Variants in RNF150 observed in about 807,000 individuals in gnomAD.
RNF150 encodes ring finger protein 150.
Under a neutral mutation model 39.3 loss-of-function variants are expected in RNF150, and 24 were observed. The ratio of observed to expected loss-of-function variants is 0.61; its 90% CI spans 0.44 to 0.86. RNF150 has a LOEUF of 0.86. Among genes scored for constraint, RNF150 ranks in the 40% least tolerant of loss-of-function variants. RNF150 has a pLI of 0.00. For missense variants in RNF150, 502 were observed against 587.8 expected, an observed-to-expected ratio of 0.85 and a Z score of 1.51; for synonymous variants, 255 against 227.3, an observed-to-expected ratio of 1.12 and a Z score of -1.10.
intron 1 of RNF150, among the ~76,000 whole-genome samples, chr4:141,028,181 T>C (rs568421382): frequency 1.3e-5 from 2 of 152,244 alleles, no homozygotes; most frequent in Admixed American, 1.3e-4. Flanking sequence ...AGACAACTGT[T>C]CCATTCAAAT....
At chr4:141,030,816 A>G (rs1735915770) in intron 1 of RNF150, among the ~76,000 whole-genome samples, 1 of 152,080 alleles carries the variant, frequency 6.6e-6, no homozygotes, top group Non-Finnish European at 1.5e-5. Flanking sequence ...GAGAGGAGCA[A>G]ATGGAGAATT....
intron 1 of RNF150, among the ~76,000 whole-genome samples, chr4:141,113,310 G>A (rs1010674463): frequency 1.3e-4 from 19 of 144,372 alleles, no homozygotes; most frequent in African/African-American, 4.3e-4. Context: ...AATAAAGGGA[G>A]GGAGGAATAT....
At chr4:141,200,830 C>G (rs886499461) in intron 1 of RNF150, among the ~76,000 whole-genome samples, 4 of 152,130 alleles carry the variant, frequency 2.6e-5, no homozygotes, top group Non-Finnish European at 1.5e-5. Flanking sequence ...GAAGAACCTT[C>G]GTTTTCAGTT....
At chr4:141,078,556 G>A (rs1309040411) in intron 1 of RNF150, among the ~76,000 whole-genome samples, 1 of 151,464 alleles carries the variant, frequency 6.6e-6, no homozygotes, top group Admixed American at 6.6e-5. Flanking sequence ...GGTCAAGGTG[G>A]GCAGATCACG....
intron 1 of RNF150, among the ~76,000 whole-genome samples, chr4:141,167,891 T>G (rs761213012): frequency 1.3e-5 from 2 of 152,168 alleles, no homozygotes; most frequent in Non-Finnish European, 2.9e-5. Flanking sequence ...GGGCAAAGAC[T>G]TCATGATTAA....
Position 141,074,367 on chromosome 4 carries a change from T to C in RNF150, c.484+57958A>G, listed in dbSNP as rs1035032998. Among the ~76,000 whole-genome samples, 4 of 147,728 alleles carry C rather than the reference T, an allele frequency of 2.7e-5. 1 individual carries two copies. In the Middle Eastern group the frequency reaches 0.01, roughly 377 times the overall value. The stretch of plus-strand genomic sequence containing the variant: ...TGACCACAGTCAGAATGGGAAAGAG[T>C]GATTCCAGAATTCTTCTTGACAGAA... On this transcript the variant is annotated intron_variant, in intron 1 of 6. Transcript: ENST00000515673.
chr4:141,022,381 T>C (rs1041783579), intron 1 of RNF150, among the ~76,000 whole-genome samples: 6 of 152,114 alleles, frequency 3.9e-5, no homozygotes, highest in East Asian at 3.8e-4. Flanking sequence ...GAGGAATGTA[T>C]AGAGTGACAA....
chr4:141,016,442 A>G (rs924967737), intron 1 of RNF150, among the ~76,000 whole-genome samples: 1 of 139,428 alleles, frequency 7.2e-6, no homozygotes, highest in African/African-American at 2.5e-5. Flanking sequence ...TGTCATTAAA[A>G]GCAGGTATAA....
intron 1 of RNF150, among the ~76,000 whole-genome samples, chr4:141,148,873 A>C (rs756692679): frequency 3.3e-5 from 5 of 152,170 alleles, no homozygotes; most frequent in African/African-American, 4.8e-5. Flanking sequence ...TTAGGCTCAG[A>C]AGCTGCAGAA....
intron 1 of RNF150, among the ~76,000 whole-genome samples, chr4:141,093,249 C>T (rs1448736905): frequency 6.6e-6 from 1 of 151,852 alleles, no homozygotes; most frequent in African/African-American, 2.4e-5. Context: ...GCCTGTAGTC[C>T]CAGCTGCTTG....
At chr4:140,873,330 C>G (rs935722781) in intron 6 of RNF150, among the ~76,000 whole-genome samples, 2 of 152,168 alleles carry the variant, frequency 1.3e-5, no homozygotes, top group African/African-American at 4.8e-5. Flanking sequence ...GTGGTTCACA[C>G]TGCTTGCCTG....
At chr4:140,897,840 T>C (rs1730019779) in intron 6 of RNF150, among the ~76,000 whole-genome samples, 3 of 152,172 alleles carry the variant, frequency 2.0e-5, no homozygotes, top group Non-Finnish European at 2.9e-5. Context: ...CTAAATTACC[T>C]CCATTTTACA....
chr4:141,115,991 T>A (rs1049988362), intron 1 of RNF150, among the ~76,000 whole-genome samples: 1 of 152,102 alleles, frequency 6.6e-6, no homozygotes, highest in Non-Finnish European at 1.5e-5. Context: ...AAAAATTAAC[T>A]CAAGATGGAT....
intron 5 of RNF150, among the ~76,000 whole-genome samples, chr4:140,911,974 T>C (rs928332306): frequency 1.2e-4 from 18 of 152,190 alleles, no homozygotes; most frequent in Non-Finnish European, 4.4e-5. Context: ...ATTAGTCAAA[T>C]CCTCTAAATT....
intron 1 of RNF150, among the ~76,000 whole-genome samples, chr4:141,167,651 C>A (rs1165996782): frequency 1.3e-5 from 2 of 152,096 alleles, no homozygotes; most frequent in Non-Finnish European, 2.9e-5. Flanking sequence ...CACTTACAAC[C>A]ATTTGGTCTT....
chr4:140,969,590 G>A (rs933381153), intron 1 of RNF150, among the ~76,000 whole-genome samples: 11 of 151,942 alleles, frequency 7.2e-5, no homozygotes, highest in African/African-American at 2.4e-4. Context: ...CAGCTATTTA[G>A]AGTTACTGAA....
At chr4:141,158,527 T>A (rs999811808) in intron 1 of RNF150, among the ~76,000 whole-genome samples, 1 of 151,942 alleles carries the variant, frequency 6.6e-6, no homozygotes, top group Non-Finnish European at 1.5e-5. Context: ...AGTTGTTATA[T>A]AACATTTACT....
chr4:140,958,313 G>A lies in RNF150; in HGVS notation c.736-8941C>T, dbSNP rs529765161. Among the ~76,000 whole-genome samples the A allele has an allele frequency of 1.6e-3, 244 of 152,176 alleles. 2 individuals are homozygous for A. The highest frequency in any genetic ancestry group is 5.5e-3 in the African/African-American group (227 of 41,526). ...TTATTAGGAAGGTCTTAACATGACAGCCTTGCTTCTAAAGCCGGAAAGGGC... is the reference window on the plus strand; with the variant it reads ...TTATTAGGAAGGTCTTAACATGACAACCTTGCTTCTAAAGCCGGAAAGGGC... On this transcript the variant is annotated intron_variant, in intron 2 of 6. Coordinates refer to ENST00000515673, the MANE Select transcript of RNF150 (RefSeq NM_020724.2).
chr4:141,195,107 T>TACACACACACAC (rs71584397), intron 1 of RNF150, among the ~76,000 whole-genome samples: 11 of 150,060 alleles, frequency 7.3e-5, no homozygotes, highest in African/African-American at 2.4e-4. Flanking sequence ...GATACATGAA[T>TACACACACACAC]ACACACACAC....
Sources: gnomAD v4.1 joint callset for allele counts (sites outside exome capture counted in the v4.1 genomes callset) on GRCh38, gnomAD v4.1.1 for gene constraint, MANE v1.5 for transcripts, NCBI Gene and HGNC (gene_info 2026-07-23, HGNC 2026-07-21) for gene names.